Variants in EYA4 observed in about 807,000 individuals in gnomAD.
EYA4 encodes EYA transcriptional coactivator and phosphatase 4.
Under a neutral mutation model 87.9 loss-of-function variants are expected in EYA4, and 31 were observed. That is an observed-to-expected ratio of 0.35 (90% CI 0.27 to 0.48). The LOEUF (loss-of-function observed/expected upper bound fraction) is 0.48. Among genes scored for constraint, EYA4 ranks in the 20% least tolerant of loss-of-function variants. The pLI is 0.99. For missense variants in EYA4, 678 were observed against 761.4 expected (o/e 0.89, Z 1.29); for synonymous variants, 263 against 270.6 (o/e 0.97, Z 0.28).
intron 17 of EYA4, among the ~76,000 whole-genome samples, chr6:133,520,688 A>T (rs1338212166): frequency 6.7e-6 from 1 of 150,268 alleles, no homozygotes; most frequent in Non-Finnish European, 1.5e-5. Flanking sequence ...GTCAATCCTA[A>T]GCCAAAAGAA....
chr6:133,289,824 A>G (rs1258198538), intron 2 of EYA4, among the ~76,000 whole-genome samples: 2 of 152,218 alleles, frequency 1.3e-5, no homozygotes, highest in African/African-American at 2.4e-5. Flanking sequence ...TCAGAATACA[A>G]ATAACTTTGT....
In EYA4 at chr6:133,530,627, G is replaced by C. The variant is rs1800955495; in HGVS notation, c.*1822G>C. ...ATCACAACATTCACTGTGGAAATATGATTTCATTTCTTTAGGCTACAAACC... is the reference window on the plus strand; with the variant it reads ...ATCACAACATTCACTGTGGAAATATCATTTCATTTCTTTAGGCTACAAACC... On this transcript the variant is annotated 3_prime_UTR_variant, in exon 20 of 20. Transcript: ENST00000355286. 1 of 985,564 alleles carries C rather than the reference G, an allele frequency of 1.0e-6. No individual in the cohort carries two copies. Among genetic ancestry groups the C allele is most frequent in the African/African-American group, 1.7e-5 (1 of 57,196 alleles). 61.1% of individuals were successfully genotyped at this position (985,564 alleles called of 1,614,324 possible).
intron 2 of EYA4, among the ~76,000 whole-genome samples, chr6:133,298,796 C>T (rs1779138185): frequency 6.6e-6 from 1 of 152,208 alleles, no homozygotes; most frequent in African/African-American, 2.4e-5. Context: ...GAAACTGCCA[C>T]TATTTGACTG....
chr6:133,310,162 G>A (rs930799720), intron 2 of EYA4, among the ~76,000 whole-genome samples: 6 of 152,172 alleles, frequency 3.9e-5, no homozygotes, highest in African/African-American at 1.4e-4. Flanking sequence ...GATAATTCCT[G>A]CCATATAGGA....
chr6:133,492,026 A>C (rs1797217041), intron 13 of EYA4, among the ~76,000 whole-genome samples: 1 of 151,920 alleles, frequency 6.6e-6, no homozygotes, highest in Non-Finnish European at 1.5e-5. Flanking sequence ...GAATTTTTCC[A>C]AACATTTAAG....
rs546732596 is a variant in EYA4 at position 133,488,057 on chromosome 6, G to A, written c.1191+4942G>A. On this transcript the variant is annotated intron_variant, in intron 13 of 19. Transcript: ENST00000355286. ...AAGCATTCGCCACAAGCTGACTGAA[G>A]AGCCCTTGGGCATTGAATGAACATC... Among the ~76,000 whole-genome samples the A allele has an allele frequency of 3.3e-5, 5 of 152,302 alleles. No individual in the cohort carries two copies. In the East Asian group the frequency reaches 9.7e-4, roughly 30 times the overall value.
chr6:133,390,669 T>G (rs1458145954), intron 3 of EYA4, among the ~76,000 whole-genome samples: 1 of 152,224 alleles, frequency 6.6e-6, no homozygotes, highest in Non-Finnish European at 1.5e-5. Flanking sequence ...ATAGGTAATG[T>G]TTTCCATCTC....
chr6:133,259,065 T>C (rs1192191206), intron 1 of EYA4, among the ~76,000 whole-genome samples: 2 of 152,182 alleles, frequency 1.3e-5, no homozygotes, highest in Non-Finnish European at 2.9e-5. Flanking sequence ...AATTTATAAT[T>C]GAGTGATTTA....
intron 11 of EYA4, among the ~76,000 whole-genome samples, chr6:133,478,375 T>C (rs905246462): frequency 6.6e-6 from 1 of 152,098 alleles, no homozygotes; most frequent in African/African-American, 2.4e-5. Context: ...GCAGCTTTAT[T>C]CATAGTAGCC....
chr6:133,493,816 G>A (rs1182564508), intron 13 of EYA4, among the ~76,000 whole-genome samples: 1 of 152,122 alleles, frequency 6.6e-6, no homozygotes, highest in Non-Finnish European at 1.5e-5. Flanking sequence ...CATACACATG[G>A]CAAACAGGTA....
chr6:133,441,556 C>T (rs1481865835), intron 3 of EYA4, among the ~76,000 whole-genome samples: 2 of 152,174 alleles, frequency 1.3e-5, no homozygotes, highest in African/African-American at 2.4e-5. Context: ...GCACATAGCC[C>T]CTGCTGCCGT....
intron 19 of EYA4, among the ~76,000 whole-genome samples, chr6:133,526,442 AG>A: frequency 6.6e-6 from 1 of 152,218 alleles, no homozygotes; most frequent in South Asian, 2.1e-4. Flanking sequence ...TATAAGAGAA[AG>A]AGAAAGGAAA....
chr6:133,418,378 C>T (rs963723918), intron 3 of EYA4, among the ~76,000 whole-genome samples: 10 of 152,136 alleles, frequency 6.6e-5, no homozygotes, highest in Admixed American at 1.3e-4. Flanking sequence ...TGTTAGACAT[C>T]TTACAAATCT....
At chr6:133,463,944 A>G (rs2128662872) in intron 9 of EYA4, among the ~76,000 whole-genome samples, 1 of 152,032 alleles carries the variant, frequency 6.6e-6, no homozygotes, top group East Asian at 1.9e-4. Context: ...AGCTTCAGTT[A>G]GCCATGTGAC....
intron 2 of EYA4, among the ~76,000 whole-genome samples, chr6:133,289,159 G>GATTAAT (rs1778292713): frequency 6.6e-6 from 1 of 152,178 alleles, no homozygotes; most frequent in Non-Finnish European, 1.5e-5. Context: ...GGGATGATGA[G>GATTAAT]GTTAATGGAG....
chr6:133,331,246 T>A (rs948353712), intron 2 of EYA4, among the ~76,000 whole-genome samples: 4 of 152,146 alleles, frequency 2.6e-5, no homozygotes, highest in African/African-American at 9.7e-5. Context: ...GCTCAAAATC[T>A]CTAATGGACT....
At chr6:133,395,606 A>G (rs1787715585) in intron 3 of EYA4, among the ~76,000 whole-genome samples, 1 of 152,082 alleles carries the variant, frequency 6.6e-6, no homozygotes, top group African/African-American at 2.4e-5. Flanking sequence ...CTAAAAATAC[A>G]AAAAATTAGC....
intron 13 of EYA4, among the ~76,000 whole-genome samples, chr6:133,502,068 T>TCTCTCTCA (rs1554270185): frequency 6.6e-6 from 1 of 151,080 alleles, no homozygotes; most frequent in African/African-American, 2.4e-5. Flanking sequence ...TCTCTCTCTC[T>TCTCTCTCA]CTCACTCTCT....
intron 1 of EYA4, among the ~76,000 whole-genome samples, chr6:133,269,471 T>G (rs920519260): frequency 3.9e-5 from 6 of 152,194 alleles, no homozygotes; most frequent in African/African-American, 1.4e-4. Context: ...ATTATTATTT[T>G]CTGACTTTTA....
Sources: gnomAD v4.1 joint callset for allele counts (sites outside exome capture counted in the v4.1 genomes callset) on GRCh38, gnomAD v4.1.1 for gene constraint, MANE v1.5 for transcripts, NCBI Gene and HGNC (gene_info 2026-07-23, HGNC 2026-07-21) for gene names.